Variants in SAMMSON observed in about 807,000 individuals in gnomAD.
The protein encoded by SAMMSON is long intergenic non-protein coding RNA 1212.
chr3:70,124,666 T>G (rs561752258), intron 4 of SAMMSON, among the ~76,000 whole-genome samples: 2 of 150,654 alleles, frequency 1.3e-5, no homozygotes, highest in African/African-American at 4.9e-5. Flanking sequence ...CAGAAAAAAA[T>G]TAGCTGGGTG....
At chr3:70,171,003 T>C (rs931390488) in intron 4 of SAMMSON, among the ~76,000 whole-genome samples, 9 of 151,846 alleles carry the variant, frequency 5.9e-5, no homozygotes, top group Non-Finnish European at 1.0e-4. Flanking sequence ...ATTCAGCTTC[T>C]AGAAACATAT....
chr3:70,145,675 A>G (rs2106683901), intron 4 of SAMMSON, among the ~76,000 whole-genome samples: 1 of 152,192 alleles, frequency 6.6e-6, no homozygotes, highest in South Asian at 2.1e-4. Flanking sequence ...AAACATAACA[A>G]AATTTGTGGG....
chr3:70,028,303 G>A (rs1393653000), intron 3 of SAMMSON, among the ~76,000 whole-genome samples: 1 of 151,910 alleles, frequency 6.6e-6, no homozygotes, highest in Admixed American at 6.6e-5. Context: ...AATAGCAGTT[G>A]AGGCCTTACT....
intron 7 of SAMMSON, among the ~76,000 whole-genome samples, chr3:70,324,916 T>C (rs983349049): frequency 1.1e-5 from 1 of 90,288 alleles, no homozygotes; most frequent in Admixed American, 1.3e-4. Flanking sequence ...AATATGTAAA[T>C]GGCCAAAAAA....
intron 3 of SAMMSON, among the ~76,000 whole-genome samples, chr3:70,034,150 G>A (rs191713870): frequency 1.3e-5 from 2 of 152,114 alleles, no homozygotes; most frequent in Admixed American, 1.3e-4. Context: ...TGGAACCAAA[G>A]CTGGGCCGTC....
At chr3:70,246,339 G>A (rs1462810205) in intron 4 of SAMMSON, among the ~76,000 whole-genome samples, 1 of 152,060 alleles carries the variant, frequency 6.6e-6, no homozygotes, top group African/African-American at 2.4e-5. Flanking sequence ...GAAAGAAACT[G>A]TCTAAGTCTA....
intron 4 of SAMMSON, among the ~76,000 whole-genome samples, chr3:70,230,587 C>G (rs1701548938): frequency 6.6e-6 from 1 of 152,078 alleles, no homozygotes; most frequent in Non-Finnish European, 1.5e-5. Flanking sequence ...CAGAAGTTGT[C>G]TACTTATTGT....
rs191843853 is a variant in SAMMSON at position 70,191,264 on chromosome 3, A to G, written n.508-57843A>G. ...CATTTGAGGAACAATAAACCATAAA[A>G]GAGGTTAGCATGACCTTGGATTCTG... On this transcript the variant is annotated intron_variant and non_coding_transcript_variant, in intron 4 of 9. Transcript: ENST00000642114. Among the ~76,000 whole-genome samples the G allele has an allele frequency of 6.0e-4, 92 of 152,324 alleles. 1 individual carries two copies. Among genetic ancestry groups the G allele is most frequent in the Admixed American group, 2.5e-3 (39 of 15,300 alleles).
At chr3:70,129,513 A>T (rs1252422705) in intron 4 of SAMMSON, among the ~76,000 whole-genome samples, 1 of 152,198 alleles carries the variant, frequency 6.6e-6, no homozygotes, top group Non-Finnish European at 1.5e-5. Flanking sequence ...TATTTTTAAT[A>T]TATCTTTCAT....
At chr3:70,145,858 A>G (rs899416338) in intron 4 of SAMMSON, among the ~76,000 whole-genome samples, 16 of 152,046 alleles carry the variant, frequency 1.1e-4, no homozygotes, top group African/African-American at 3.8e-4. Context: ...GGAGAAATCA[A>G]TGAAATTTAA....
At chr3:70,210,048 G>T (rs895924461) in intron 4 of SAMMSON, among the ~76,000 whole-genome samples, 1 of 152,052 alleles carries the variant, frequency 6.6e-6, no homozygotes, top group Non-Finnish European at 1.5e-5. Context: ...ACGTAGTCAG[G>T]CTGCATGTAA....
intron 4 of SAMMSON, among the ~76,000 whole-genome samples, chr3:70,244,064 C>T (rs1247500744): frequency 2.0e-5 from 3 of 152,134 alleles, no homozygotes; most frequent in East Asian, 1.9e-4. Context: ...GATTTTCCAC[C>T]GTAACTACTT....
chr3:70,028,182 CCTTCCTTTCTTT>C (rs1221709236), intron 3 of SAMMSON, among the ~76,000 whole-genome samples: 9 of 48,700 alleles, frequency 1.8e-4, no homozygotes, highest in Non-Finnish European at 3.4e-4. Context: ...TTCCTTCCTT[CCTTCCTTTCTTT>C]CTTTCTTTCT....
intron 4 of SAMMSON, among the ~76,000 whole-genome samples, chr3:70,230,469 A>G (rs572807429): frequency 1.1e-4 from 16 of 149,372 alleles, no homozygotes; most frequent in Admixed American, 2.7e-4. Flanking sequence ...CTATGAAATT[A>G]TTGTTACATT....
At chr3:70,240,856 A>G (rs1463734663) in intron 4 of SAMMSON, among the ~76,000 whole-genome samples, 1 of 152,188 alleles carries the variant, frequency 6.6e-6, no homozygotes, top group Non-Finnish European at 1.5e-5. Context: ...TCAGTAATAT[A>G]GGCCCATAAG....
chr3:70,247,312 T>C lies in SAMMSON; in HGVS notation n.508-1795T>C, dbSNP rs576809547. 2.6e-5 allele frequency among the ~76,000 whole-genome samples: 4 copies of C among 152,130 alleles called. No individual in the cohort carries two copies. The East Asian group carries it at 7.7e-4, about 29-fold the overall frequency. On this transcript the variant is annotated intron_variant and non_coding_transcript_variant, in intron 4 of 9. Transcript: ENST00000642114. ...ATCAGTAAGTTATAGGCTGTGTTTC[T>C]CTGGCAGTATTTCTTACAAGGATGA...
intron 2 of SAMMSON, among the ~76,000 whole-genome samples, chr3:70,420,430 C>T (rs1197068307): frequency 6.6e-6 from 1 of 152,180 alleles, no homozygotes; most frequent in Admixed American, 6.5e-5. Flanking sequence ...GTGACTGTCT[C>T]ATAGTGTCTA....
At chr3:70,394,236 C>A (rs888952870), downstream of SAMMSON, among the ~76,000 whole-genome samples, 5 of 152,140 alleles carry the variant, frequency 3.3e-5, no homozygotes, top group African/African-American at 7.2e-5. Context: ...GAGAGAAATG[C>A]CCGACTGAAA....
At chr3:70,311,006 A>G (rs969989700) in intron 7 of SAMMSON, among the ~76,000 whole-genome samples, 2 of 152,172 alleles carry the variant, frequency 1.3e-5, no homozygotes, top group African/African-American at 2.4e-5. Flanking sequence ...TGTCATGATG[A>G]TTCAGCAAAA....
Sources: gnomAD v4.1 joint callset for allele counts (sites outside exome capture counted in the v4.1 genomes callset) on GRCh38, gnomAD v4.1.1 for gene constraint, MANE v1.5 for transcripts, NCBI Gene and HGNC (gene_info 2026-07-23, HGNC 2026-07-21) for gene names.